Variants in WNK2 observed in about 807,000 individuals in gnomAD.
WNK2 encodes serine/threonine-protein kinase WNK2.
In WNK2, 67 loss-of-function variants were observed where a neutral mutation model predicts 192.1. The ratio of observed to expected loss-of-function variants is 0.35; its 90% CI spans 0.29 to 0.43. WNK2 has a LOEUF of 0.43. WNK2 is among the 20% of genes least tolerant of loss of function. WNK2 has a pLI of 1.00. For synonymous variants in WNK2, 1,439 were observed against 1,393.9 expected, an observed-to-expected ratio of 1.03 and a Z score of -0.72; for missense variants, 2,698 against 3,089.7, an observed-to-expected ratio of 0.87 and a Z score of 3.01.
intron 2 of WNK2, among the ~76,000 whole-genome samples, chr9:93,197,532 T>C (rs1248970451): frequency 6.6e-6 from 1 of 152,150 alleles, no homozygotes; most frequent in African/African-American, 2.4e-5. Context: ...CTGTGTGGTG[T>C]TTCTTTTTTT....
intron 19 of WNK2, among the ~76,000 whole-genome samples, chr9:93,285,017 T>C (rs530867749): frequency 6.6e-6 from 1 of 152,332 alleles, no homozygotes; most frequent in African/African-American, 2.4e-5. Flanking sequence ...ATTGTTCTGA[T>C]CAATATAATT....
intron 19 of WNK2, chr9:93,268,981 A>T: frequency 6.5e-7 from 1 of 1,538,834 alleles, no homozygotes; most frequent in Non-Finnish European, 8.8e-7. Context: ...CCCACCAAGT[A>T]GGTGGCTCGC....
chr9:93,262,863 G>C (rs977048254), intron 14 of WNK2, 144 bp downstream of exon 14: 2 of 873,602 alleles, frequency 2.3e-6, no homozygotes, highest in African/African-American at 3.3e-5. Flanking sequence ...AACCTGACCT[G>C]GTGGAGCCTC....
At chr9:93,295,704 C>T (rs1850147938) in intron 23 of WNK2, among the ~76,000 whole-genome samples, 1 of 151,608 alleles carries the variant, frequency 6.6e-6, no homozygotes, top group Non-Finnish European at 1.5e-5. Flanking sequence ...CCTCTCCATC[C>T]TCCCGTCACC....
At chr9:93,286,173 CTG>C (rs971650134) in intron 19 of WNK2, among the ~76,000 whole-genome samples, 38 of 151,452 alleles carry the variant, frequency 2.5e-4, no homozygotes, top group African/African-American at 7.4e-4. Context: ...TTAAATTTGA[CTG>C]TATTAAAATA....
intron 16 of WNK2, among the ~76,000 whole-genome samples, chr9:93,265,543 C>T (rs758342630): frequency 8.5e-5 from 13 of 152,212 alleles, no homozygotes; most frequent in Non-Finnish European, 1.5e-4. Flanking sequence ...GGTTCGTCAG[C>T]GCAGCACAAA....
At chr9:93,285,770 T>C (rs2133713821) in intron 19 of WNK2, among the ~76,000 whole-genome samples, 1 of 152,314 alleles carries the variant, frequency 6.6e-6, no homozygotes, top group Non-Finnish European at 1.5e-5. Context: ...GATACCATTC[T>C]CCCAGATGTT....
At position 93,299,285 on chromosome 9, in the gene WNK2, C is replaced by T. The variant is rs372845995; in HGVS notation, c.6115+24C>T. On this transcript the variant is annotated intron_variant, in intron 25 of 29. Coordinates refer to ENST00000427277, the MANE Select transcript of WNK2 (RefSeq NM_006648.4). The stretch of plus-strand genomic sequence containing the variant: ...AGGTGATTTCCAGCTTGCCTGTCTC[C>T]GAGCATGTGCTAGCCACGTAGGGCC... The T allele has an allele frequency of 1.4e-5, 22 of 1,545,544 alleles. 1 individual carries two copies. In the Admixed American group the frequency reaches 1.4e-4, roughly 10 times the overall value.
rs185172264 is a variant in WNK2 at position 93,226,697 on chromosome 9, G to C, written c.682-2999G>C. Among the ~76,000 whole-genome samples the C allele has an allele frequency of 1.7e-3, 265 of 152,230 alleles. 1 individual carries two copies. The highest frequency in any genetic ancestry group is 6.1e-3 in the Admixed American group (94 of 15,292). ...CAGATATTAGTCTGCCTTTTCCAGG[G>C]TTTCACATGAAGATGGGGGTCCTAC... is the stretch of plus-strand genomic sequence containing the variant. On this transcript the variant is annotated intron_variant, in intron 2 of 29. Transcript: ENST00000427277.
At position 93,257,240 on chromosome 9, in the gene WNK2, A is replaced by G; in HGVS notation, c.2382+101A>G. On this transcript the variant is annotated intron_variant, in intron 11 of 29. Transcript: ENST00000427277. This position sits in a 1 kb window ranked among gnomAD's most constrained non-coding sequence, Gnocchi z 4.7. ...ACAGAGGGGGTTGTCTGTGCATGTG[A>G]CCTGTGACCTGGGGTTGGGCTGGCC... The G allele has an allele frequency of 7.6e-7, 1 of 1,309,538 alleles. No homozygotes were observed. The highest frequency in any genetic ancestry group is 2.5e-5 in the East Asian group (1 of 39,382). 81.1% of individuals were successfully genotyped at this position (1,309,538 alleles called of 1,614,324 possible).
At chr9:93,299,567 C>G (rs974886621) in intron 25 of WNK2, among the ~76,000 whole-genome samples, 1 of 152,154 alleles carries the variant, frequency 6.6e-6, no homozygotes, top group Admixed American at 6.5e-5. Context: ...CTGTGTGCTC[C>G]GGCGCCAGTT....
chr9:93,281,957 A>G (rs963904550), intron 19 of WNK2, among the ~76,000 whole-genome samples: 6 of 152,226 alleles, frequency 3.9e-5, no homozygotes, highest in Admixed American at 3.3e-4. Context: ...TCACAGCTCA[A>G]TTAAAGAAAT....
chr9:93,265,116 C>T (rs981495803), intron 16 of WNK2, among the ~76,000 whole-genome samples: 10 of 152,228 alleles, frequency 6.6e-5, no homozygotes, highest in Non-Finnish European at 1.5e-4. Context: ...CATAATCCCC[C>T]GCAGCATTAG....
In WNK2 at chr9:93,262,073, C is replaced by T. The variant is rs1192978891; in HGVS notation, c.3326C>T (p.Pro1109Leu). Residue 1109 changes from proline (P) to leucine (L), a missense_variant, in exon 13 of 30, where the codon CCA becomes CTA. Around this residue, in one of 7 missense-constraint regions of WNK2, gnomAD observed 893 missense variants for 909.0 expected, o/e 0.98. Transcript: ENST00000427277. Reference sequence around the variant, plus strand: ...GGGCCCGGGATCGCCAGCCCTTGCCCAACTGTCCAGCTGACGGTGGAACCA... The same window carrying T: ...GGGCCCGGGATCGCCAGCCCTTGCCTAACTGTCCAGCTGACGGTGGAACCA... ...PGGPGIASPCPTVQLTVEPVQ... is the reference protein window; with the variant it reads ...PGGPGIASPCLTVQLTVEPVQ... The T allele has an allele frequency of 5.0e-6, 8 of 1,608,028 alleles. No homozygotes were observed. Among genetic ancestry groups the T allele is most frequent in the Non-Finnish European group, 6.8e-6 (8 of 1,176,680 alleles).
rs1855318065 is a variant in WNK2, at chr9:93,320,530, C to T, written c.*138C>T. 7.6e-6 allele frequency: 7 copies of T among 915,886 alleles called. No homozygotes were observed. Among genetic ancestry groups the T allele is most frequent in the Non-Finnish European group, 1.1e-5 (7 of 648,352 alleles). The allele number at this position is 915,886 out of a possible 1,614,324, so 56.7% of individuals were successfully genotyped here. On this transcript the variant is annotated 3_prime_UTR_variant, in exon 30 of 30. Transcript: ENST00000427277. ...CATTTTTTATTCACAATTGGAAACA[C>T]AAATGTAATGCAAGAATAAAAAATA...
intron 19 of WNK2, among the ~76,000 whole-genome samples, chr9:93,286,723 C>T (rs1848493725): frequency 1.3e-5 from 2 of 152,176 alleles, no homozygotes; most frequent in South Asian, 4.1e-4. Flanking sequence ...GTGTTCATTG[C>T]AGCGTTATTC....
At chr9:93,260,132 A>G (rs967586137) in intron 12 of WNK2, among the ~76,000 whole-genome samples, 1 of 152,076 alleles carries the variant, frequency 6.6e-6, no homozygotes, top group Non-Finnish European at 1.5e-5. Flanking sequence ...CCATGTCCTG[A>G]TGTCAGGTCA....
In WNK2 at chr9:93,289,159, A is replaced by G; in HGVS notation, c.4405A>G (p.Ser1469Gly). 6.2e-7 allele frequency: 1 copy of G among 1,600,300 alleles called. No individual in the cohort carries two copies. Among genetic ancestry groups the G allele is most frequent in the East Asian group, 2.2e-5 (1 of 44,598 alleles). The stretch of plus-strand genomic sequence containing the variant: ...AGAGGCTGCCTCAACCAGGGACGCC[A>G]GTGCCCCAAGGGAGCCCCTGCCACC... The part of the protein sequence containing the change: ...APEAASTRDA[S>G]APREPLPPPA... The change falls in exon 20 of 30, where the codon AGT becomes GGT. Residue 1469 changes from serine (S) to glycine (G), a missense_variant. Ser to Gly is a moderately conservative substitution (Grantham distance 56). Coordinates refer to ENST00000427277, the MANE Select transcript of WNK2 (RefSeq NM_006648.4).
chr9:93,262,552 G>A (rs1310218668), intron 13 of WNK2, 118 bp from the exon 14 acceptor site: 14 of 1,095,372 alleles, frequency 1.3e-5, no homozygotes, highest in African/African-American at 7.7e-5. Context: ...GCAGGAGAAC[G>A]CAGCGGGGCA....
Sources: gnomAD v4.1 joint callset for allele counts (sites outside exome capture counted in the v4.1 genomes callset) on GRCh38, gnomAD v4.1.1 for gene constraint, gnomAD v4.1.1 regional missense constraint, Gnocchi (gnomAD v3.1) non-coding constraint, MANE v1.5 for transcripts, NCBI Gene and HGNC (gene_info 2026-07-23, HGNC 2026-07-21) for gene names.